SYMPK: variants seen among roughly 807,000 people sequenced by gnomAD.
The protein encoded by SYMPK is symplekin scaffold protein.
Under a neutral mutation model 136.4 loss-of-function variants are expected in SYMPK, and 49 were observed. That is an observed-to-expected ratio of 0.36 (90% CI 0.29 to 0.46). SYMPK has a LOEUF of 0.46. SYMPK is among the 20% of genes least tolerant of loss of function. The probability of loss-of-function intolerance (pLI) is 1.00; values close to 1 mark genes in which losing one functional copy is unlikely to be tolerated. For missense variants in SYMPK, 1,365 were observed against 1,690.0 expected (o/e 0.81, Z 3.37); for synonymous variants, 766 against 713.0 (o/e 1.07, Z -1.19).
intron 11 of SYMPK, among the ~76,000 whole-genome samples, chr19:45,833,743 T>C (rs764328764): frequency 7.9e-5 from 12 of 152,236 alleles, no homozygotes; most frequent in Non-Finnish European, 1.2e-4. Flanking sequence ...ACAGTGGCAA[T>C]GGTCTATAAA....
Position 45,832,942 on chromosome 19 carries a change from C to T in SYMPK, c.1394-1354G>A, listed in dbSNP as rs538387627. Among the ~76,000 whole-genome samples the T allele has an allele frequency of 7.3e-5, 11 of 151,630 alleles. No individual in the cohort carries two copies. In the South Asian group the frequency reaches 2.3e-3, roughly 32 times the overall value. ...TGGAAGGCAGGAGAATCACTTGAAC[C>T]CAGGAGGCAGAAGTTGCGGTGAGCC... On this transcript the variant is annotated intron_variant, in intron 11 of 26. Coordinates refer to ENST00000245934, the MANE Select transcript of SYMPK (RefSeq NM_004819.3).
intron 19 of SYMPK, 143 bp downstream of exon 19, chr19:45,823,624 A>G (rs1039250292): frequency 6.0e-5 from 59 of 978,340 alleles, no homozygotes; most frequent in Non-Finnish European, 1.1e-5. Flanking sequence ...CACTGTTCCA[A>G]ATGGAGAAAC....
At chr19:45,840,175 T>C (rs550047311) in intron 9 of SYMPK, among the ~76,000 whole-genome samples, 8 of 147,738 alleles carry the variant, frequency 5.4e-5, no homozygotes, top group East Asian at 2.1e-4. Flanking sequence ...ATTGGTCAGA[T>C]ATGATGGCGC....
At chr19:45,854,280 G>A in intron 2 of SYMPK, 40 bp from the exon 3 acceptor site, 1 of 1,610,972 alleles carries the variant, frequency 6.2e-7, no homozygotes, top group Non-Finnish European at 8.5e-7. Context: ...TGCCAGCCCA[G>A]TCCAGCCCAG....
At chr19:45,856,802 G>A (rs529476304) in intron 1 of SYMPK, among the ~76,000 whole-genome samples, 11 of 151,536 alleles carry the variant, frequency 7.3e-5, no homozygotes, top group African/African-American at 2.2e-4. Context: ...TCCAGCCTGC[G>A]GACAGAGCAA....
intron 19 of SYMPK, 38 bp downstream of exon 19, chr19:45,823,729 G>A (rs1414197475): frequency 1.5e-5 from 24 of 1,569,568 alleles, no homozygotes; most frequent in Non-Finnish European, 2.1e-5. Flanking sequence ...CTAAGGAGAG[G>A]GAGGAAAGCC....
Position 45,857,389 on chromosome 19 carries a change from G to A in SYMPK, c.-12-2882C>T, listed in dbSNP as rs1443987853. The stretch of plus-strand genomic sequence containing the variant: ...CACAACACTGTACTCGAGCCTGGGC[G>A]ACAGAGTGAGACTCTGTCTCAAAAA... On this transcript the variant is annotated intron_variant, in intron 1 of 26. Coordinates refer to ENST00000245934, the MANE Select transcript of SYMPK (RefSeq NM_004819.3). Among the ~76,000 whole-genome samples, 5 of 108,590 alleles carry A rather than the reference G, an allele frequency of 4.6e-5. No individual in the cohort carries two copies. The East Asian group carries it at 9.0e-4, about 20-fold the overall frequency. The allele number at this position is 108,590 out of a possible 152,430, so 71.2% of individuals were successfully genotyped here. A position where few individuals can be genotyped will look rare whatever the true frequency, so the allele number is the denominator to read the frequency against.
chr19:45,836,484 A>G (rs895981630), intron 10 of SYMPK, among the ~76,000 whole-genome samples: 3 of 151,426 alleles, frequency 2.0e-5, no homozygotes, highest in African/African-American at 7.3e-5. Context: ...CAAAAAACTT[A>G]GCTGGGCGTG....
rs10406239 is a variant in SYMPK, at chr19:45,823,299, C to T, written c.2700+73G>A. 2.3e-3 allele frequency: 3,329 copies of T among 1,463,174 alleles called. 61 individuals carry two copies. In the African/African-American group the frequency reaches 0.04, roughly 18 times the overall value. The allele number at this position is 1,463,174 out of a possible 1,614,324, so 90.6% of individuals were successfully genotyped here. A position where few individuals can be genotyped will look rare whatever the true frequency, so the allele number is the denominator to read the frequency against. ...GCCTCTGGCTCAACTGCTGCTGAAG[C>T]AACGTGCTGCCCTGCCCCTCCCAGT... On this transcript the variant is annotated intron_variant, in intron 20 of 26. Coordinates refer to ENST00000245934, the MANE Select transcript of SYMPK (RefSeq NM_004819.3).
At position 45,854,482 on chromosome 19, in the gene SYMPK, C is replaced by G. The variant is rs781699157; in HGVS notation, c.14G>C (p.Ser5Thr). 1 of 1,613,902 alleles carries G rather than the reference C, an allele frequency of 6.2e-7. No individual in the cohort carries two copies. The highest frequency in any genetic ancestry group is 1.7e-5 in the Admixed American group (1 of 60,028). Residue 5 changes from serine (S) to threonine (T), a missense_variant, in exon 2 of 27, where the codon AGT becomes ACT. By Grantham distance (58) the Ser-to-Thr change is moderately conservative. This residue lies in a region of SYMPK where 61 missense variants were observed against 80.7 expected (regional missense o/e 0.76). Coordinates refer to ENST00000245934, the MANE Select transcript of SYMPK (RefSeq NM_004819.3). ...GCTCCGACGGGTGACGCTGTCTCCACTGCCGCTCGCCATGGCTGCTGTCAG... is the reference window on the plus strand; with the variant it reads ...GCTCCGACGGGTGACGCTGTCTCCAGTGCCGCTCGCCATGGCTGCTGTCAG... MASG[S>T]GDSVTRRSVA...
Position 45,844,011 on chromosome 19 carries a change from G to T in SYMPK, c.847+19C>A, listed in dbSNP as rs111882577. 6.8e-7 allele frequency: 1 copy of T among 1,476,956 alleles called. No individual in the cohort carries two copies. 91.5% of individuals were successfully genotyped at this position (1,476,956 alleles called of 1,614,324 possible). A position where few individuals can be genotyped will look rare whatever the true frequency, so the allele number is the denominator to read the frequency against. On this transcript the variant is annotated intron_variant, in intron 8 of 26. Transcript: ENST00000245934. ...CCAGTGAAGAGAAGGCAGGGGGAGG[G>T]GGGAGGACAATGACCTACCATGCAG...
chr19:45,842,224 T>A, intron 9 of SYMPK, 26 bp downstream of exon 9: 1 of 1,613,234 alleles, frequency 6.2e-7, no homozygotes, highest in Non-Finnish European at 8.5e-7. Context: ...ATGGTCTGCC[T>A]GCCCCACCCC....
chr19:45,857,918 T>A (rs560922542), intron 1 of SYMPK, among the ~76,000 whole-genome samples: 1 of 151,136 alleles, frequency 6.6e-6, no homozygotes, highest in Non-Finnish European at 1.5e-5. Context: ...TCCTGCCTCA[T>A]CTCCCAAGTA....
chr19:45,828,767 G>C, intron 14 of SYMPK: 1 of 600,604 alleles, frequency 1.7e-6, no homozygotes, highest in Non-Finnish European at 3.0e-6. Context: ...AACAGCTCAG[G>C]GAGTGCGACC....
At chr19:45,847,710 G>A (rs750552699) in intron 7 of SYMPK, 42 bp downstream of exon 7, 10 of 1,581,538 alleles carry the variant, frequency 6.3e-6, no homozygotes, top group African/African-American at 2.7e-5. Flanking sequence ...AGAGGAAACT[G>A]GTGCAGGGCT....
Position 45,852,500 on chromosome 19 carries a change from T to C in SYMPK, c.207A>G (p.Leu69=). 1 of 1,614,074 alleles carries C rather than the reference T, an allele frequency of 6.2e-7. No individual in the cohort carries two copies. Among genetic ancestry groups the C allele is most frequent in the South Asian group, 1.1e-5 (1 of 91,084 alleles). The change falls in exon 4 of 27, where the codon CTA becomes CTG. Residue 69 remains leucine (L), a synonymous_variant. Coordinates refer to ENST00000245934, the MANE Select transcript of SYMPK (RefSeq NM_004819.3). ...CACTCACATCCAGGAAGTTGTCCAG[T>C]AGTGTGGGGTCTTTGTTGATGATCA... ...QELIINKDPT[L]LDNFLDEIIA... is the part of the protein sequence containing the mutation.
chr19:45,835,772 C>T (rs1055501885), intron 10 of SYMPK, among the ~76,000 whole-genome samples: 5 of 151,938 alleles, frequency 3.3e-5, no homozygotes, highest in East Asian at 1.9e-4. Context: ...ATTAGCCTGG[C>T]GCAGCAGCAT....
At position 45,829,218 on chromosome 19, in the gene SYMPK, T is replaced by C. The variant is rs775963834; in HGVS notation, c.1750-13A>G. ...TCTTTATGCGGACCTGGTGGGAGGGTGAGCCAGCATGTCAGTGTAGGGTGG... is the reference window on the plus strand; with the variant it reads ...TCTTTATGCGGACCTGGTGGGAGGGCGAGCCAGCATGTCAGTGTAGGGTGG... On this transcript the variant is annotated splice_polypyrimidine_tract_variant and intron_variant, in intron 13 of 26. Transcript: ENST00000245934. 6.2e-7 allele frequency: 1 copy of C among 1,608,788 alleles called. No homozygotes were observed. Among genetic ancestry groups the C allele is most frequent in the Admixed American group, 1.7e-5 (1 of 59,906 alleles).
At chr19:45,849,735 T>C (rs556046017) in intron 5 of SYMPK, among the ~76,000 whole-genome samples, 3 of 152,274 alleles carry the variant, frequency 2.0e-5, no homozygotes, top group East Asian at 3.9e-4. Context: ...GGTTCTGGCA[T>C]TGCAGACATG....
Sources: gnomAD v4.1 joint callset for allele counts (sites outside exome capture counted in the v4.1 genomes callset) on GRCh38, gnomAD v4.1.1 for gene constraint, gnomAD v4.1.1 regional missense constraint, MANE v1.5 for transcripts, NCBI Gene and HGNC (gene_info 2026-07-23, HGNC 2026-07-21) for gene names.